The following SNW1 variants were observed in gnomAD, a reference collection of about 807,000 sequenced individuals.
SNW1 encodes the protein SNW domain containing 1.
A neutral mutation model predicts 75.6 loss-of-function variants in SNW1; 9 were observed. The ratio of observed to expected loss-of-function variants is 0.12; its 90% CI spans 0.07 to 0.21. The LOEUF (loss-of-function observed/expected upper bound fraction) is 0.21, where lower values mean the gene tolerates loss of function less well. Ranked by LOEUF, SNW1 falls within the 10% of genes least tolerant of loss-of-function variation. SNW1 has a pLI of 1.00. For missense variants in SNW1, 409 were observed against 670.9 expected, an observed-to-expected ratio of 0.61 and a Z score of 4.31; for synonymous variants, 200 against 219.1, an observed-to-expected ratio of 0.91 and a Z score of 0.77.
intron 10 of SNW1, among the ~76,000 whole-genome samples, chr14:77,728,331 A>G (rs546145560): frequency 2.0e-5 from 3 of 152,104 alleles, no homozygotes; most frequent in African/African-American, 7.2e-5. Flanking sequence ...GGCACCTTTA[A>G]TCCCAGCTAC....
At chr14:77,751,838 A>AC (rs1555388673) in intron 2 of SNW1, among the ~76,000 whole-genome samples, 1 of 124,730 alleles carries the variant, frequency 8.0e-6, no homozygotes, top group Non-Finnish European at 1.7e-5. Flanking sequence ...ACACACACAC[A>AC]CACACACCAC....
At chr14:77,757,373 A>G (rs576355797) in intron 1 of SNW1, among the ~76,000 whole-genome samples, 4 of 152,348 alleles carry the variant, frequency 2.6e-5, no homozygotes, top group African/African-American at 9.6e-5. Flanking sequence ...GATCCGACCT[A>G]TGCCACTTAC....
intron 1 of SNW1, among the ~76,000 whole-genome samples, chr14:77,758,008 CTCTA>C (rs1328527263): frequency 9.2e-5 from 8 of 86,922 alleles, no homozygotes; most frequent in African/African-American, 2.6e-4. Flanking sequence ...CACAATTTTT[CTCTA>C]TCTATCTATC....
chr14:77,738,543 G>A (rs1439857613), intron 5 of SNW1, among the ~76,000 whole-genome samples: 4 of 152,164 alleles, frequency 2.6e-5, no homozygotes, highest in Admixed American at 1.3e-4. Context: ...TGGTGTCACC[G>A]TACTCCAGCC....
At chr14:77,739,834 T>C (rs903039250) in intron 3 of SNW1, among the ~76,000 whole-genome samples, 11 of 151,734 alleles carry the variant, frequency 7.2e-5, no homozygotes, top group Admixed American at 2.0e-4. Context: ...TATTTTAAAG[T>C]AAAAAAGAGA....
intron 3 of SNW1, among the ~76,000 whole-genome samples, chr14:77,741,170 TG>T (rs1356523387): frequency 6.6e-6 from 1 of 151,852 alleles, no homozygotes; most frequent in Non-Finnish European, 1.5e-5. Flanking sequence ...CAATATTTTT[TG>T]TACAAATGAA....
intron 10 of SNW1, among the ~76,000 whole-genome samples, chr14:77,724,999 C>T (rs372051027): frequency 6.6e-6 from 1 of 152,140 alleles, no homozygotes; most frequent in East Asian, 1.9e-4. Context: ...CTTCTGTATC[C>T]TCGCCAGCAT....
chr14:77,728,295 C>T (rs1344986928), intron 10 of SNW1, among the ~76,000 whole-genome samples: 1 of 151,902 alleles, frequency 6.6e-6, no homozygotes, highest in Non-Finnish European at 1.5e-5. Context: ...ACTAATAATA[C>T]AAAAAATTAG....
chr14:77,760,689 GGAGA>G (rs1466349404), intron 1 of SNW1: 2 of 702,376 alleles, frequency 2.8e-6, no homozygotes, highest in Non-Finnish European at 5.2e-6. Flanking sequence ...GACAGCGAAA[GGAGA>G]GAGACCACCA....
chr14:77,721,783 T>C (rs1234185399), intron 11 of SNW1, among the ~76,000 whole-genome samples: 4 of 152,218 alleles, frequency 2.6e-5, no homozygotes, highest in Non-Finnish European at 4.4e-5. Context: ...AGTCTCACTC[T>C]GTCGCCCAGG....
At chr14:77,733,882 A>G (rs1416738953) in intron 8 of SNW1, 2 of 405,762 alleles carry the variant, frequency 4.9e-6, no homozygotes, top group Non-Finnish European at 9.9e-6. Context: ...TGTAACTTTC[A>G]GGCTTAGCTT....
chr14:77,721,090 T>G, intron 11 of SNW1: 1 of 428,600 alleles, frequency 2.3e-6, no homozygotes, highest in Non-Finnish European at 4.2e-6. Flanking sequence ...TTCTTTAATA[T>G]AAGCAATCAC....
chr14:77,736,551 A>AAAAAAAG, intron 6 of SNW1, among the ~76,000 whole-genome samples: 1 of 149,238 alleles, frequency 6.7e-6, no homozygotes, highest in Non-Finnish European at 1.5e-5. Flanking sequence ...TGTCTCTCAA[A>AAAAAAAG]AAACAAAAAC....
At chr14:77,740,160 AG>A (rs1566831930) in intron 3 of SNW1, among the ~76,000 whole-genome samples, 973 of 97,168 alleles carry the variant, frequency 0.01, 11 homozygotes, top group East Asian at 0.014. Context: ...AAAAAAAAAG[AG>A]AGAGATACAG....
intron 8 of SNW1, among the ~76,000 whole-genome samples, chr14:77,732,814 G>A (rs957462917): frequency 1.3e-5 from 2 of 152,118 alleles, no homozygotes; most frequent in Admixed American, 6.5e-5. Flanking sequence ...ATAGGCGTGC[G>A]CCACACACTC....
chr14:77,749,268 T>A (rs1036642217), intron 3 of SNW1, among the ~76,000 whole-genome samples: 1 of 152,142 alleles, frequency 6.6e-6, no homozygotes, highest in Non-Finnish European at 1.5e-5. Context: ...GAATGTGCTG[T>A]AAAAAAATGT....
intron 3 of SNW1, among the ~76,000 whole-genome samples, chr14:77,749,993 A>G (rs2080795073): frequency 6.6e-6 from 1 of 152,004 alleles, no homozygotes; most frequent in South Asian, 2.1e-4. Flanking sequence ...TTGAGCCCAA[A>G]AGTTCAAGAC....
chr14:77,732,180 G>C (rs1050408549), intron 9 of SNW1, among the ~76,000 whole-genome samples: 1 of 152,172 alleles, frequency 6.6e-6, no homozygotes, highest in Admixed American at 6.5e-5. Context: ...ATCTAAAATA[G>C]AGGAAAATTT....
chr14:77,738,664 A>G, intron 5 of SNW1, 114 bp downstream of exon 5: 1 of 722,426 alleles, frequency 1.4e-6, no homozygotes, highest in Non-Finnish European at 2.4e-6. Flanking sequence ...TTGAGTCATT[A>G]TTGAAAACAA....
Sources: gnomAD v4.1 joint callset for allele counts (sites outside exome capture counted in the v4.1 genomes callset) on GRCh38, gnomAD v4.1.1 for gene constraint, MANE v1.5 for transcripts, NCBI Gene and HGNC (gene_info 2026-07-23, HGNC 2026-07-21) for gene names.